The following AMZ1 variants were observed in gnomAD, a reference collection of about 807,000 sequenced individuals.
AMZ1 encodes archaemetzincin-1.
AMZ1 carries 39 observed loss-of-function variants against 29.9 expected under a neutral mutation model. The observed-to-expected ratio is 1.30, with a 90% CI of 1.01 to 1.70. AMZ1 has a LOEUF of 1.70. AMZ1 is among the 40% of genes most tolerant of loss of function. AMZ1 has a pLI of 0.00. For missense variants in AMZ1, 1,041 were observed against 680.6 expected (o/e 1.53, Z -5.89); for synonymous variants, 458 against 304.0 (o/e 1.51, Z -5.27).
At chr7:2,743,006 C>T (rs1421368062) in intron 4 of AMZ1, among the ~76,000 whole-genome samples, 1 of 152,318 alleles carries the variant, frequency 6.6e-6, no homozygotes, top group Admixed American at 6.5e-5. Context: ...GCAACAACAA[C>T]ATTCAGACAG....
chr7:2,701,632 G>T (rs1415303214), intron 2 of AMZ1, among the ~76,000 whole-genome samples: 1 of 152,228 alleles, frequency 6.6e-6, no homozygotes, highest in Admixed American at 6.5e-5. Flanking sequence ...CAGCCTGGCA[G>T]AGACAGCACA....
downstream of AMZ1, among the ~76,000 whole-genome samples, chr7:2,722,136 G>A (rs1485322269): frequency 1.3e-5 from 2 of 152,180 alleles, no homozygotes; most frequent in Admixed American, 6.5e-5. Context: ...CGTGGGCTGG[G>A]GCCTGAGCAC....
At chr7:2,749,389 T>C (rs1038536973) in intron 4 of AMZ1, among the ~76,000 whole-genome samples, 1 of 152,088 alleles carries the variant, frequency 6.6e-6, no homozygotes, top group Admixed American at 6.6e-5. Flanking sequence ...GAAACCATCA[T>C]TGTCAGCAAA....
chr7:2,723,122 A>G (rs926864789), downstream of AMZ1, among the ~76,000 whole-genome samples: 1 of 144,214 alleles, frequency 6.9e-6, no homozygotes, highest in African/African-American at 2.4e-5. Context: ...ACTTGAGTAC[A>G]TTTTATAAAA....
intron 4 of AMZ1, chr7:2,729,022 AAT>A (rs1225523035): frequency 6.6e-6 from 1 of 152,396 alleles, no homozygotes; most frequent in African/African-American, 2.4e-5. Context: ...GTGACGAGTA[AAT>A]ATGTCAGACT....
At chr7:2,723,659 C>T (rs1365442790), downstream of AMZ1, among the ~76,000 whole-genome samples, 2 of 152,200 alleles carry the variant, frequency 1.3e-5, no homozygotes, top group Non-Finnish European at 2.9e-5. Context: ...GGGGACGATT[C>T]AGATCAGCTT....
At chr7:2,708,998 A>G in intron 4 of AMZ1, 77 bp from the exon 5 acceptor site, 1 of 1,470,880 alleles carries the variant, frequency 6.8e-7, no homozygotes. Context: ...GCATGAGAGC[A>G]TGAGGTGGGT....
chr7:2,747,774 C>G (rs981593956), intron 4 of AMZ1, among the ~76,000 whole-genome samples: 1 of 152,028 alleles, frequency 6.6e-6, no homozygotes, highest in African/African-American at 2.4e-5. Flanking sequence ...TCTAGAAAAC[C>G]CCATCATCTC....
At chr7:2,732,727 G>T (rs936932677) in intron 4 of AMZ1, among the ~76,000 whole-genome samples, 1 of 152,174 alleles carries the variant, frequency 6.6e-6, no homozygotes, top group Non-Finnish European at 1.5e-5. Context: ...CAATAACACT[G>T]CAGGGGTGGA....
At chr7:2,735,504 A>G (rs1790123809) in intron 4 of AMZ1, among the ~76,000 whole-genome samples, 1 of 152,184 alleles carries the variant, frequency 6.6e-6, no homozygotes, top group African/African-American at 2.4e-5. Flanking sequence ...AAAGCACCAC[A>G]GAGGGCACAA....
At chr7:2,743,694 G>T (rs928096414) in intron 4 of AMZ1, among the ~76,000 whole-genome samples, 1 of 152,132 alleles carries the variant, frequency 6.6e-6, no homozygotes, top group Non-Finnish European at 1.5e-5. Context: ...TGGGCGCAGC[G>T]CACTGTGCGC....
At chr7:2,745,037 A>G (rs965436284) in intron 4 of AMZ1, among the ~76,000 whole-genome samples, 1 of 152,202 alleles carries the variant, frequency 6.6e-6, no homozygotes, top group East Asian at 1.9e-4. Context: ...CCAAATCTAC[A>G]TCTGATTGGT....
chr7:2,716,937 G>C lies in AMZ1; in HGVS notation c.*4059G>C, dbSNP rs1789157776. Among the ~76,000 whole-genome samples the C allele has an allele frequency of 6.6e-6, 1 of 152,204 alleles. No homozygotes were observed. Among genetic ancestry groups the C allele is most frequent in the Non-Finnish European group, 1.5e-5 (1 of 68,040 alleles). On this transcript the variant is annotated 3_prime_UTR_variant, in exon 7 of 7. Transcript: ENST00000683327. ...GGAAGTTGAGGCGCAGTCTGTTCTTGCTTGAACCCCGAGTTCTCCCGCTGT... is the reference window on the plus strand; with the variant it reads ...GGAAGTTGAGGCGCAGTCTGTTCTTCCTTGAACCCCGAGTTCTCCCGCTGT...
At chr7:2,733,307 A>G in intron 4 of AMZ1, 1 of 697,232 alleles carries the variant, frequency 1.4e-6, no homozygotes, top group East Asian at 2.7e-5. Context: ...AGAGCGTGCC[A>G]TTACAGTACT....
upstream of AMZ1, chr7:2,762,776 G>A: frequency 6.5e-7 from 1 of 1,546,290 alleles, no homozygotes; most frequent in Non-Finnish European, 8.7e-7. Flanking sequence ...TTCCACCCAG[G>A]CTGTACAAAA....
rs190376119 is a variant in AMZ1, at chr7:2,737,584, C to T, written n.551-27128C>T. Among the ~76,000 whole-genome samples the T allele has an allele frequency of 2.4e-3, 365 of 152,194 alleles. 2 individuals carry two copies. Among genetic ancestry groups the T allele is most frequent in the African/African-American group, 8.1e-3 (335 of 41,528 alleles). On this transcript the variant is annotated intron_variant and non_coding_transcript_variant, in intron 4 of 4. Coordinates refer to the AMZ1 transcript ENST00000489665. ...GATTACAGGCGTGAGCCACAGCGCC[C>T]GGCCCTGTCTTACAGTTTCTGCACT...
chr7:2,701,118 C>T (rs1053859417), intron 2 of AMZ1, among the ~76,000 whole-genome samples: 43 of 152,178 alleles, frequency 2.8e-4, no homozygotes, highest in African/African-American at 1.0e-3. Flanking sequence ...GTAATCCCAG[C>T]TATTCAGGAG....
chr7:2,744,037 G>A (rs1790642534), intron 4 of AMZ1, among the ~76,000 whole-genome samples: 1 of 152,362 alleles, frequency 6.6e-6, no homozygotes, highest in South Asian at 2.1e-4. Context: ...CAAACTGGGT[G>A]GAGCCCACCA....
upstream of AMZ1, among the ~76,000 whole-genome samples, chr7:2,683,241 G>C (rs1330327239): frequency 6.6e-6 from 1 of 152,154 alleles, no homozygotes; most frequent in Non-Finnish European, 1.5e-5. Context: ...TGTCAATTCT[G>C]GAGGGCAGTG....
Sources: allele counts gnomAD v4.1 joint callset (sites outside exome capture counted in the v4.1 genomes callset), GRCh38; gene constraint gnomAD v4.1.1; transcripts MANE v1.5; gene names NCBI Gene and HGNC (gene_info 2026-07-23, HGNC 2026-07-21).